Variants in MTRF1 observed in about 807,000 individuals in gnomAD.
The protein encoded by MTRF1 is mitochondrial translation release factor 1, also known as peptide chain release factor 1, mitochondrial.
Under a neutral mutation model 62.9 loss-of-function variants are expected in MTRF1, and 51 were observed. The ratio of observed to expected loss-of-function variants is 0.81; its 90% confidence interval spans 0.65 to 1.02. The LOEUF (loss-of-function observed/expected upper bound fraction) is 1.02, where lower values mean the gene tolerates loss of function less well. Ranked by LOEUF, MTRF1 falls within the 50% of genes least tolerant of loss-of-function variation. MTRF1 has a pLI of 0.00. For synonymous variants in MTRF1, 158 were observed against 181.9 expected, an observed-to-expected ratio of 0.87 and a Z score of 1.06; for missense variants, 446 against 530.0, an observed-to-expected ratio of 0.84 and a Z score of 1.56.
chr13:41,223,390 T>C, intron 8 of MTRF1, 36 bp from the exon 9 acceptor site: 2 of 1,523,862 alleles, frequency 1.3e-6, no homozygotes, highest in Non-Finnish European at 1.8e-6. Context: ...TATTTTACCT[T>C]TATAAATGTC....
the MTRF1 span, among the ~76,000 whole-genome samples, chr13:41,304,496 A>G: frequency 6.6e-6 from 1 of 152,222 alleles, no homozygotes. Context: ...GTACTCAACA[A>G]TAAATACTGT....
the MTRF1 span, among the ~76,000 whole-genome samples, chr13:41,280,344 G>GC: frequency 0.05 from 7,537 of 152,196 alleles, 253 homozygotes; most frequent in Non-Finnish European, 0.07. Flanking sequence ...TAGCTTGGAA[G>GC]CCCCCCGGCT....
chr13:41,235,854 C>CAT (rs140261878), intron 6 of MTRF1: 79,904 of 152,890 alleles, frequency 0.52, 21,712 homozygotes, highest in South Asian at 0.62. Flanking sequence ...CACACACACA[C>CAT]AGAAACACAC....
At chr13:41,255,633 G>A (rs1445274725) in intron 2 of MTRF1, among the ~76,000 whole-genome samples, 1 of 152,010 alleles carries the variant, frequency 6.6e-6, no homozygotes, top group Non-Finnish European at 1.5e-5. Flanking sequence ...TAGAGGTTGC[G>A]GTGAGCCAAG....
At chr13:41,284,316 T>C in the MTRF1 span, among the ~76,000 whole-genome samples, 1 of 147,580 alleles carries the variant, frequency 6.8e-6, no homozygotes, top group Admixed American at 6.8e-5. Context: ...CAAAACTCCA[T>C]CTCTACTGAA....
At chr13:41,259,717 A>T (rs1446805316) in intron 2 of MTRF1, among the ~76,000 whole-genome samples, 1 of 149,686 alleles carries the variant, frequency 6.7e-6, no homozygotes, top group African/African-American at 2.5e-5. Context: ...AAAAAAAAAA[A>T]AAAACATAAA....
the MTRF1 span, among the ~76,000 whole-genome samples, chr13:41,312,010 T>C: frequency 6.6e-6 from 1 of 152,200 alleles, no homozygotes; most frequent in Non-Finnish European, 1.5e-5. Context: ...GCTTTGCGTT[T>C]AGTTAGATTG....
At chr13:41,224,853 A>G (rs1409634808) in intron 8 of MTRF1, among the ~76,000 whole-genome samples, 3 of 152,356 alleles carry the variant, frequency 2.0e-5, no homozygotes, top group East Asian at 1.9e-4. Flanking sequence ...TGGCTTGTCA[A>G]TCAGACTACT....
chr13:41,254,626 A>T lies in MTRF1; in HGVS notation c.416-6T>A. ...TTCATCTTGTTTATTTAGGCCTAAA[A>T]GCCAGAAACAGAAATAATGATAAAG... On this transcript the variant is annotated splice_region_variant and splice_polypyrimidine_tract_variant and intron_variant, in intron 2 of 9. Coordinates refer to ENST00000379480, the MANE Select transcript of MTRF1 (RefSeq NM_004294.4). 6.2e-7 allele frequency: 1 copy of T among 1,604,130 alleles called. No homozygotes were observed. The highest frequency in any genetic ancestry group is 2.2e-5 in the East Asian group (1 of 44,778).
chr13:41,220,793 A>G, intron 9 of MTRF1: 1 of 364,940 alleles, frequency 2.7e-6, no homozygotes, highest in South Asian at 2.1e-5. Context: ...AACCTCTTAC[A>G]TGCTTTATAT....
At chr13:41,297,656 A>G in the MTRF1 span, among the ~76,000 whole-genome samples, 1 of 151,144 alleles carries the variant, frequency 6.6e-6, no homozygotes, top group Non-Finnish European at 1.5e-5. Context: ...GCTCACCACA[A>G]CCTCTGCCTT....
rs2032011128 is a variant in MTRF1 at position 41,216,935 on chromosome 13, C to A, written c.*180G>T. ...GAGTTGGATTGTACTTTACAGGAAA[C>A]CTAAAATAAATTCTTAGGTCAGGAA... On this transcript the variant is annotated 3_prime_UTR_variant, in exon 10 of 10. Coordinates refer to ENST00000379480, the MANE Select transcript of MTRF1 (RefSeq NM_004294.4). 1.2e-5 allele frequency: 5 copies of A among 411,834 alleles called. No individual in the cohort carries two copies. Among genetic ancestry groups the A allele is most frequent in the Admixed American group, 8.3e-5 (2 of 24,092 alleles). The allele number at this position is 411,834 out of a possible 1,614,324, so 25.5% of individuals were successfully genotyped here.
chr13:41,225,717 G>A (rs1189165753), intron 8 of MTRF1, among the ~76,000 whole-genome samples: 4 of 150,752 alleles, frequency 2.7e-5, no homozygotes, highest in African/African-American at 9.8e-5. Flanking sequence ...GCTGAGGCAG[G>A]AGAATCGCTT....
At chr13:41,238,243 CTG>C (rs1221863721) in intron 6 of MTRF1, among the ~76,000 whole-genome samples, 2 of 152,134 alleles carry the variant, frequency 1.3e-5, no homozygotes, top group African/African-American at 2.4e-5. Flanking sequence ...GGGAATCTAA[CTG>C]TGTCAGAAAG....
At chr13:41,241,872 G>A (rs759284878) in intron 5 of MTRF1, among the ~76,000 whole-genome samples, 54 of 152,240 alleles carry the variant, frequency 3.5e-4, no homozygotes, top group Non-Finnish European at 6.2e-4. Flanking sequence ...TTGGCAAGAC[G>A]ACAGGAGGTA....
At chr13:41,234,204 G>A (rs73179117) in intron 6 of MTRF1, among the ~76,000 whole-genome samples, 197 bp from the exon 7 acceptor site, 36 of 152,212 alleles carry the variant, frequency 2.4e-4, no homozygotes, top group South Asian at 1.0e-3. Flanking sequence ...TTGAGACAGG[G>A]TCTCCCTCTG....
chr13:41,309,618 A>G, the MTRF1 span, among the ~76,000 whole-genome samples: 1 of 152,164 alleles, frequency 6.6e-6, no homozygotes, highest in Non-Finnish European at 1.5e-5. Context: ...GATGCTTTAA[A>G]ATCATGTGTG....
chr13:41,298,895 G>A, the MTRF1 span, among the ~76,000 whole-genome samples: 2 of 152,084 alleles, frequency 1.3e-5, no homozygotes, highest in Non-Finnish European at 1.5e-5. Context: ...AAGAGAAGGA[G>A]GAGGCCAGGT....
chr13:41,258,760 A>G (rs2040048170), intron 2 of MTRF1, among the ~76,000 whole-genome samples: 1 of 152,148 alleles, frequency 6.6e-6, no homozygotes, highest in Admixed American at 6.5e-5. Flanking sequence ...AAGCAACAAG[A>G]GAAAAAAAGA....
Sources: gnomAD v4.1 joint callset for allele counts (sites outside exome capture counted in the v4.1 genomes callset) on GRCh38, gnomAD v4.1.1 for gene constraint, MANE v1.5 for transcripts, NCBI Gene and HGNC (gene_info 2026-07-23, HGNC 2026-07-21) for gene names.